CUL1: variants seen among roughly 807,000 people sequenced by gnomAD.
CUL1 encodes the protein cullin 1, also known as cullin-1.
CUL1 carries 24 observed loss-of-function variants against 118.0 expected under a neutral mutation model. That is an observed-to-expected ratio of 0.20 (90% CI 0.15 to 0.29). The LOEUF (loss-of-function observed/expected upper bound fraction) is 0.29, where lower values mean the gene tolerates loss of function less well. Ranked by LOEUF, CUL1 falls within the 10% of genes least tolerant of loss-of-function variation. The pLI is 1.00. For missense variants in CUL1, 361 were observed against 933.8 expected (o/e 0.39, Z 7.99); for synonymous variants, 332 against 340.4 (o/e 0.98, Z 0.27).
chr7:148,789,876 G>A (rs769301321), intron 15 of CUL1, 50 bp downstream of exon 15: 2 of 1,540,788 alleles, frequency 1.3e-6, no homozygotes, highest in Admixed American at 1.7e-5. Flanking sequence ...GGAGGGTGGG[G>A]CAGGGCAGCC....
intron 1 of CUL1, among the ~76,000 whole-genome samples, chr7:148,724,247 G>A (rs1798486577): frequency 6.6e-6 from 1 of 152,234 alleles, no homozygotes; most frequent in African/African-American, 2.4e-5. Context: ...TTAGTTCACA[G>A]TTGGAATTGT....
intron 9 of CUL1, among the ~76,000 whole-genome samples, chr7:148,778,096 A>AAAAAAAAAAAAAAAAAAAAAAAAAAAC (rs1563166639): frequency 1.7e-5 from 1 of 59,306 alleles, no homozygotes; most frequent in Non-Finnish European, 3.1e-5. Context: ...AAAAAAAAAA[A>AAAAAAAAAAAAAAAAAAAAAAAAAAAC]AGAAGAAGAA....
intron 7 of CUL1, 27 bp downstream of exon 7, chr7:148,760,523 A>G (rs748521439): frequency 2.5e-5 from 39 of 1,529,612 alleles, no homozygotes; most frequent in Admixed American, 5.8e-5. Flanking sequence ...TACTTTAAGT[A>G]GACTTAAGTT....
At chr7:148,744,988 T>C (rs1382000139) in intron 2 of CUL1, among the ~76,000 whole-genome samples, 1 of 152,188 alleles carries the variant, frequency 6.6e-6, no homozygotes. Context: ...GTGAACTCTT[T>C]TTCTGTGTTA....
intron 2 of CUL1, among the ~76,000 whole-genome samples, chr7:148,734,479 A>G (rs974338566): frequency 6.6e-6 from 1 of 152,168 alleles, no homozygotes; most frequent in African/African-American, 2.4e-5. Flanking sequence ...CCTCGACTCA[A>G]GTTATCCGCC....
In CUL1 at chr7:148,774,551, A is replaced by G. The variant is rs190542612; in HGVS notation, c.1083+6802A>G. ...ACAGTTGCTCAGCAGTCTGGATGTTACTGTATTCCCCCACAAAGACAGCTC... is the reference window on the plus strand; with the variant it reads ...ACAGTTGCTCAGCAGTCTGGATGTTGCTGTATTCCCCCACAAAGACAGCTC... On this transcript the variant is annotated intron_variant, in intron 9 of 21. Coordinates refer to ENST00000325222, the MANE Select transcript of CUL1 (RefSeq NM_003592.3). Among the ~76,000 whole-genome samples the G allele has an allele frequency of 4.3e-3, 655 of 152,362 alleles. 11 individuals are homozygous for G. The highest frequency in any genetic ancestry group is 0.014 in the African/African-American group (579 of 41,592).
At chr7:148,764,957 T>G (rs1799955972) in intron 7 of CUL1, among the ~76,000 whole-genome samples, 1 of 152,236 alleles carries the variant, frequency 6.6e-6, no homozygotes. Context: ...GTTCATTAAC[T>G]GAACATATAA....
chr7:148,744,867 A>G (rs1405249233), intron 2 of CUL1, among the ~76,000 whole-genome samples: 1 of 152,208 alleles, frequency 6.6e-6, no homozygotes, highest in Admixed American at 6.5e-5. Context: ...CACTGGCTAT[A>G]GAACTACAAT....
At chr7:148,744,031 C>G (rs989572829) in intron 2 of CUL1, among the ~76,000 whole-genome samples, 9 of 152,122 alleles carry the variant, frequency 5.9e-5, no homozygotes, top group Non-Finnish European at 8.8e-5. Flanking sequence ...CTTTTTATCC[C>G]TGGTAGTAAT....
At chr7:148,729,912 A>G in intron 1 of CUL1, 50 bp from the exon 2 acceptor site, 2 of 537,822 alleles carry the variant, frequency 3.7e-6, no homozygotes, top group Non-Finnish European at 6.3e-6. Flanking sequence ...GTCTCACCTT[A>G]TTACAGTACC....
intron 13 of CUL1, among the ~76,000 whole-genome samples, chr7:148,788,096 G>T (rs996914848): frequency 6.6e-6 from 1 of 152,142 alleles, no homozygotes; most frequent in Non-Finnish European, 1.5e-5. Flanking sequence ...CAGAGAGAGA[G>T]TGCAGAGCTC....
At position 148,767,625 on chromosome 7, in the gene CUL1, G is replaced by A. The variant is rs1270169632; in HGVS notation, c.959G>A (p.Gly320Glu). Reference sequence around the variant, plus strand: ...GGGTTTCTTCCTCTTTCAGATTTGGGACGCATGTATAATCTTGTATCTAGA... The same window carrying A: ...GGGTTTCTTCCTCTTTCAGATTTGGAACGCATGTATAATCTTGTATCTAGA... ...LLDADKNEDL[G>E]RMYNLVSRIQ... The change falls in exon 9 of 22, where the codon GGA becomes GAA. Residue 320 changes from glycine (G) to glutamate (E), a missense_variant. By Grantham distance (98) the Gly-to-Glu change is moderately conservative (BLOSUM62 -2). This residue lies in a region of CUL1 where 169 missense variants were observed against 429.7 expected (regional missense o/e 0.39). Coordinates refer to ENST00000325222, the MANE Select transcript of CUL1 (RefSeq NM_003592.3). The A allele has an allele frequency of 7.4e-6, 12 of 1,613,362 alleles. No homozygotes were observed. Among genetic ancestry groups the A allele is most frequent in the Non-Finnish European group, 1.0e-5 (12 of 1,179,812 alleles).
At chr7:148,699,415 C>G in intron 1 of CUL1, among the ~76,000 whole-genome samples, 1 of 152,090 alleles carries the variant, frequency 6.6e-6, no homozygotes, top group East Asian at 1.9e-4. Flanking sequence ...TGGCCCGGGG[C>G]GGCTCGGGCG....
At position 148,759,636 on chromosome 7, in the gene CUL1, AC is replaced by A; in HGVS notation, c.624del (p.Tyr208Ter). The A allele has an allele frequency of 6.4e-7, 1 of 1,571,068 alleles. No individual in the cohort carries two copies. Among genetic ancestry groups the A allele is most frequent in the Non-Finnish European group, 8.7e-7 (1 of 1,154,418 alleles). On this transcript the variant is annotated frameshift_variant and splice_region_variant, in exon 6 of 22. Coordinates refer to ENST00000325222, the MANE Select transcript of CUL1 (RefSeq NM_003592.3). LOFTEE classifies it high-confidence loss of function. ...TRLISGVVQS[Y>X]VELGLNEDDA... ...TTGATTAGTGGAGTTGTACAGTCTTACGGTAAATAATTTCCCTTTAGTTTAT... is the reference window on the plus strand; with the variant it reads ...TTGATTAGTGGAGTTGTACAGTCTTAGGTAAATAATTTCCCTTTAGTTTAT...
chr7:148,776,715 C>G (rs1281115403), intron 9 of CUL1, among the ~76,000 whole-genome samples: 2 of 152,102 alleles, frequency 1.3e-5, no homozygotes, highest in East Asian at 3.9e-4. Flanking sequence ...GATGCACGTC[C>G]CTACCCAAAT....
In CUL1 at chr7:148,800,711, C is replaced by T; in HGVS notation, c.*129C>T. 1.5e-6 allele frequency: 1 copy of T among 665,940 alleles called. No homozygotes were observed. The highest frequency in any genetic ancestry group is 2.6e-6 in the Non-Finnish European group (1 of 378,474). 41.3% of individuals were successfully genotyped at this position (665,940 alleles called of 1,614,324 possible). A position where few individuals can be genotyped will look rare whatever the true frequency, so the allele number is the denominator to read the frequency against. ...TCCCTTTTAAAAACTGAGACCAAGA[C>T]TCCCATCAGCTGGTCTCGGATTTAC... On this transcript the variant is annotated 3_prime_UTR_variant, in exon 22 of 22. Transcript: ENST00000325222. The surrounding 1 kb of genome is among the most constrained non-coding windows in gnomAD (Gnocchi z 4.6).
chr7:148,760,145 G>A (rs556554681), intron 6 of CUL1, among the ~76,000 whole-genome samples, 188 bp from the exon 7 acceptor site: 25 of 152,192 alleles, frequency 1.6e-4, no homozygotes, highest in Admixed American at 5.9e-4. Flanking sequence ...ATACGTCTTG[G>A]ATTTTTTTCC....
intron 1 of CUL1, among the ~76,000 whole-genome samples, chr7:148,725,221 T>TCA (rs1164701228): frequency 0.023 from 3,365 of 145,404 alleles, 72 homozygotes; most frequent in Middle Eastern, 0.04. Flanking sequence ...ACGCGCGCGC[T>TCA]CACACACACA....
At chr7:148,749,215 G>A (rs1294826636) in intron 2 of CUL1, among the ~76,000 whole-genome samples, 7 of 151,910 alleles carry the variant, frequency 4.6e-5, no homozygotes, top group African/African-American at 9.7e-5. Context: ...TCAGGAGTTC[G>A]AGACCAGCCT....
Sources: gnomAD v4.1 joint callset for allele counts (sites outside exome capture counted in the v4.1 genomes callset) on GRCh38, gnomAD v4.1.1 for gene constraint, gnomAD v4.1.1 regional missense constraint, Gnocchi (gnomAD v3.1) non-coding constraint, MANE v1.5 for transcripts, NCBI Gene and HGNC (gene_info 2026-07-23, HGNC 2026-07-21) for gene names.